Variants in GRIN2A observed in about 807,000 individuals in gnomAD.
GRIN2A encodes the protein glutamate ionotropic receptor NMDA type subunit 2A, also known as glutamate receptor ionotropic, NMDA 2A.
Under a neutral mutation model 113.4 loss-of-function variants are expected in GRIN2A, and 22 were observed. That is an observed-to-expected ratio of 0.19 (90% CI 0.14 to 0.28). GRIN2A has a LOEUF of 0.28. Ranked by LOEUF, GRIN2A falls within the 10% of genes least tolerant of loss-of-function variation. The pLI is 1.00. For missense variants in GRIN2A, 1,502 were observed against 1,887.0 expected, an observed-to-expected ratio of 0.80 and a Z score of 3.78; for synonymous variants, 827 against 738.4, an observed-to-expected ratio of 1.12 and a Z score of -1.94.
chr16:9,965,604 G>T (rs1230748841), intron 2 of GRIN2A, among the ~76,000 whole-genome samples: 1 of 152,164 alleles, frequency 6.6e-6, no homozygotes, highest in Non-Finnish European at 1.5e-5. Context: ...CAAGGATCCT[G>T]CCAGGAAGCC....
intron 2 of GRIN2A, among the ~76,000 whole-genome samples, chr16:10,061,693 G>GT (rs2047553251): frequency 6.6e-6 from 1 of 152,174 alleles, no homozygotes; most frequent in Admixed American, 6.5e-5. Context: ...TAGAAGGTTA[G>GT]TAGTGGCAAA....
chr16:9,753,507 C>T lies in GRIN2A; in HGVS notation c.*9642G>A. The stretch of plus-strand genomic sequence containing the variant: ...ATATGACCGGGCACTTCTGTTGCCT[C>T]AGGAGTTATATACATATCAGTTTGC... On this transcript the variant is annotated 3_prime_UTR_variant, in exon 13 of 13. Coordinates refer to ENST00000330684, the MANE Select transcript of GRIN2A (RefSeq NM_001134407.3). 1 of 204,036 alleles carries T rather than the reference C, an allele frequency of 4.9e-6. No homozygotes were observed. The highest frequency in any genetic ancestry group is 1.0e-5 in the Non-Finnish European group (1 of 99,500). The allele number at this position is 204,036 out of a possible 1,614,324, so 12.6% of individuals were successfully genotyped here.
intron 2 of GRIN2A, among the ~76,000 whole-genome samples, chr16:10,016,046 G>T (rs1218995524): frequency 6.6e-6 from 1 of 151,222 alleles, no homozygotes; most frequent in South Asian, 2.1e-4. Flanking sequence ...AACCCAGGAG[G>T]TGGAGGTTGC....
rs957299535 is a variant in GRIN2A, at chr16:9,753,819, C to T, written c.*9330G>A. 3 of 180,976 alleles carry T rather than the reference C, an allele frequency of 1.7e-5. No homozygotes were observed. The highest frequency in any genetic ancestry group is 7.1e-5 in the African/African-American group (3 of 42,530). The allele number at this position is 180,976 out of a possible 1,614,324, so 11.2% of individuals were successfully genotyped here. On this transcript the variant is annotated 3_prime_UTR_variant, in exon 13 of 13. Coordinates refer to ENST00000330684, the MANE Select transcript of GRIN2A (RefSeq NM_001134407.3). ...AGCAGACAGCTTGCTTTCAGCTCCACCATACAAGACATCAAGTCAGTTCTG... is the reference window on the plus strand; with the variant it reads ...AGCAGACAGCTTGCTTTCAGCTCCATCATACAAGACATCAAGTCAGTTCTG...
intron 2 of GRIN2A, among the ~76,000 whole-genome samples, chr16:10,020,908 G>A (rs2046708453): frequency 6.6e-6 from 1 of 152,236 alleles, no homozygotes; most frequent in Non-Finnish European, 1.5e-5. Context: ...CAACTGAGAT[G>A]CTGTACGTCT....
intron 9 of GRIN2A, among the ~76,000 whole-genome samples, chr16:9,823,661 C>T (rs866217401): frequency 1.3e-5 from 2 of 152,144 alleles, no homozygotes; most frequent in South Asian, 4.1e-4. Context: ...TCATTTAATC[C>T]TTACAAACCC....
chr16:9,928,978 C>T (rs566072224), intron 3 of GRIN2A, among the ~76,000 whole-genome samples: 43 of 152,352 alleles, frequency 2.8e-4, no homozygotes, highest in African/African-American at 9.6e-4. Context: ...ACTGTGCAGA[C>T]GCCCACCAGG....
intron 10 of GRIN2A, among the ~76,000 whole-genome samples, chr16:9,807,259 G>A (rs1407883499): frequency 3.7e-5 from 1 of 26,744 alleles, no homozygotes; most frequent in African/African-American, 1.8e-4. Context: ...AGGGGAGAGA[G>A]GGAGGGAGGG....
chr16:9,820,756 G>A (rs2141291210), intron 10 of GRIN2A, among the ~76,000 whole-genome samples: 1 of 152,248 alleles, frequency 6.6e-6, no homozygotes, highest in East Asian at 1.9e-4. Flanking sequence ...GGTGTGGGGC[G>A]GGGTTCCAGG....
intron 2 of GRIN2A, among the ~76,000 whole-genome samples, chr16:10,176,290 C>A (rs1051870931): frequency 6.6e-6 from 1 of 152,164 alleles, no homozygotes; most frequent in Non-Finnish European, 1.5e-5. Context: ...CAGGTGTGAA[C>A]CACCTCGCTC....
At chr16:9,937,009 C>T (rs1418236701) in intron 3 of GRIN2A, among the ~76,000 whole-genome samples, 2 of 152,164 alleles carry the variant, frequency 1.3e-5, no homozygotes, top group East Asian at 1.9e-4. Flanking sequence ...CTAGAAAAAA[C>T]ACTTGCACAT....
intron 4 of GRIN2A, among the ~76,000 whole-genome samples, chr16:9,878,370 T>A (rs1199817332): frequency 6.6e-6 from 1 of 152,242 alleles, no homozygotes; most frequent in Non-Finnish European, 1.5e-5. Context: ...TACTTAGAAC[T>A]GGCATCTATG....
intron 3 of GRIN2A, among the ~76,000 whole-genome samples, chr16:9,893,804 T>G (rs560212020): frequency 1.3e-5 from 2 of 152,322 alleles, no homozygotes; most frequent in Admixed American, 6.5e-5. Context: ...AATTACTCTA[T>G]TTATTATAGA....
intron 2 of GRIN2A, among the ~76,000 whole-genome samples, chr16:10,038,523 T>C (rs8058457): frequency 0.56 from 84,430 of 151,478 alleles, 24,404 homozygotes; most frequent in East Asian, 0.91. Flanking sequence ...AACTCCACCT[T>C]ATCCCCAGTT....
At chr16:10,000,962 G>A (rs1031403457) in intron 2 of GRIN2A, among the ~76,000 whole-genome samples, 2 of 152,092 alleles carry the variant, frequency 1.3e-5, no homozygotes, top group Non-Finnish European at 2.9e-5. Context: ...GCCATAATCT[G>A]TAGGCAATGA....
intron 2 of GRIN2A, among the ~76,000 whole-genome samples, chr16:10,114,468 A>G (rs1341848440): frequency 6.6e-6 from 1 of 152,238 alleles, no homozygotes; most frequent in Non-Finnish European, 1.5e-5. Flanking sequence ...AGTCGCCCAC[A>G]GAAGAATCAT....
upstream of GRIN2A, chr16:10,182,828 C>G (rs937354304): frequency 6.6e-6 from 1 of 152,534 alleles, no homozygotes; most frequent in Admixed American, 6.5e-5. Context: ...GGCAACTGCC[C>G]GGTCCTCTGA....
intron 2 of GRIN2A, among the ~76,000 whole-genome samples, chr16:9,940,909 A>C (rs1456090686): frequency 3.3e-5 from 5 of 152,198 alleles, no homozygotes. Context: ...CCAACAGAAG[A>C]CAACACAGAA....
intron 3 of GRIN2A, among the ~76,000 whole-genome samples, chr16:9,914,196 T>C (rs1052844510): frequency 3.9e-5 from 6 of 152,082 alleles, no homozygotes; most frequent in Admixed American, 2.6e-4. Context: ...AAGTCATCAT[T>C]TAAAAAAACG....
Sources: allele counts gnomAD v4.1 joint callset (sites outside exome capture counted in the v4.1 genomes callset), GRCh38; gene constraint gnomAD v4.1.1; transcripts MANE v1.5; gene names NCBI Gene and HGNC (gene_info 2026-07-23, HGNC 2026-07-21).